The following RNF169 variants were observed in gnomAD, a reference collection of about 807,000 sequenced individuals.
RNF169 encodes ring finger protein 169, also known as E3 ubiquitin-protein ligase RNF169.
Under a neutral mutation model 53.9 loss-of-function variants are expected in RNF169, and 24 were observed. The ratio of observed to expected loss-of-function variants is 0.45; its 90% CI spans 0.32 to 0.63. The LOEUF (loss-of-function observed/expected upper bound fraction) is 0.63. Ranked by LOEUF, RNF169 falls within the 20% of genes least tolerant of loss-of-function variation. The pLI, the probability that RNF169 is intolerant of heterozygous loss-of-function variation, is 0.04. For synonymous variants in RNF169, 396 were observed against 363.5 expected (o/e 1.09, Z -1.02); for missense variants, 883 against 906.2 (o/e 0.97, Z 0.33).
At chr11:74,814,749 T>A (rs902382074) in intron 3 of RNF169, among the ~76,000 whole-genome samples, 2 of 152,182 alleles carry the variant, frequency 1.3e-5, no homozygotes, top group African/African-American at 4.8e-5. Context: ...TATAATATTC[T>A]TGATTGTAGA....
intron 1 of RNF169, among the ~76,000 whole-genome samples, chr11:74,775,156 TATC>T (rs561842331): frequency 5.5e-4 from 84 of 152,300 alleles, no homozygotes; most frequent in African/African-American, 2.0e-3. Flanking sequence ...ATTTGCATAT[TATC>T]ATAGTAGAGA....
At position 74,834,669 on chromosome 11, in the gene RNF169, T is replaced by A. The variant is rs1277096864; in HGVS notation, c.843-7T>A. 1.2e-6 allele frequency: 2 copies of A among 1,603,204 alleles called. No individual in the cohort carries two copies. The highest frequency in any genetic ancestry group is 1.7e-5 in the Admixed American group (1 of 57,496). On this transcript the variant is annotated splice_polypyrimidine_tract_variant and splice_region_variant and intron_variant, in intron 4 of 5. Coordinates refer to ENST00000299563, the MANE Select transcript of RNF169 (RefSeq NM_001098638.2). Reference sequence around the variant, plus strand: ...TGACTACTCGTTTTTTATTTATTCTTTTTTAGGAAGCTAAACTCCAAGGTG... The same window carrying A: ...TGACTACTCGTTTTTTATTTATTCTATTTTAGGAAGCTAAACTCCAAGGTG...
chr11:74,791,994 A>T (rs2135087229), intron 2 of RNF169, among the ~76,000 whole-genome samples: 1 of 152,304 alleles, frequency 6.6e-6, no homozygotes, highest in African/African-American at 2.4e-5. Context: ...GGTATATTTC[A>T]CTGAATGAAA....
intron 1 of RNF169, among the ~76,000 whole-genome samples, chr11:74,775,267 T>G (rs557904836): frequency 1.3e-5 from 2 of 152,216 alleles, no homozygotes; most frequent in Non-Finnish European, 2.9e-5. Context: ...TGTGGAGGTA[T>G]TGATCTTATA....
At chr11:74,799,625 C>T (rs887757574) in intron 2 of RNF169, among the ~76,000 whole-genome samples, 1 of 152,086 alleles carries the variant, frequency 6.6e-6, no homozygotes, top group African/African-American at 2.4e-5. Context: ...TTAACTACTA[C>T]TTGGAAGCCA....
intron 1 of RNF169, among the ~76,000 whole-genome samples, chr11:74,751,806 C>T (rs1455207383): frequency 2.0e-5 from 3 of 152,242 alleles, no homozygotes; most frequent in African/African-American, 7.2e-5. Flanking sequence ...TGCCAAAAGG[C>T]TTAGGAAGTA....
Position 74,749,137 on chromosome 11 carries a change from C to T in RNF169, c.257C>T (p.Ser86Leu), listed in dbSNP as rs1349864136. ...GCAGCGGCCCTGCCGTGCGGCCACT[C>T]GCTTTGCCGAGGCTGCGCCCAACGC... The part of the protein sequence containing the change: ...GEAAALPCGH[S>L]LCRGCAQRAA... The change falls in exon 1 of 6, where the codon TCG becomes TTG. Residue 86 changes from serine to leucine, a missense_variant. Ser to Leu is a moderately radical substitution (Grantham distance 145). This residue lies in a region of RNF169 where 313 missense variants were observed against 279.9 expected (regional missense o/e 1.12). Transcript: ENST00000299563. 7.6e-7 allele frequency: 1 copy of T among 1,323,222 alleles called. No individual in the cohort carries two copies. The highest frequency in any genetic ancestry group is 3.1e-5 in the East Asian group (1 of 32,110). The allele number at this position is 1,323,222 out of a possible 1,614,324, so 82.0% of individuals were successfully genotyped here.
intron 1 of RNF169, among the ~76,000 whole-genome samples, chr11:74,753,273 A>G (rs1479748233): frequency 2.0e-5 from 3 of 152,226 alleles, no homozygotes; most frequent in East Asian, 3.9e-4. Flanking sequence ...CCAGCCTTGA[A>G]CCATTGTTTT....
At chr11:74,800,004 C>G (rs775191032) in intron 2 of RNF169, among the ~76,000 whole-genome samples, 4 of 150,000 alleles carry the variant, frequency 2.7e-5, no homozygotes, top group Non-Finnish European at 4.4e-5. Flanking sequence ...TAATATAGAT[C>G]TATGTCAACA....
At chr11:74,754,567 T>C (rs576261592) in intron 1 of RNF169, among the ~76,000 whole-genome samples, 2 of 152,286 alleles carry the variant, frequency 1.3e-5, no homozygotes, top group African/African-American at 4.8e-5. Context: ...ACATCTGTAA[T>C]CCCAGCACTT....
chr11:74,770,097 C>T (rs1020981816), intron 1 of RNF169, among the ~76,000 whole-genome samples: 2 of 152,104 alleles, frequency 1.3e-5, no homozygotes, highest in Admixed American at 1.3e-4. Context: ...TGGCTTTAGA[C>T]TACTGTTTCA....
intron 1 of RNF169, among the ~76,000 whole-genome samples, chr11:74,780,309 T>G (rs890898142): frequency 6.6e-6 from 1 of 152,200 alleles, no homozygotes; most frequent in African/African-American, 2.4e-5. Flanking sequence ...ATTCCCTCTT[T>G]ACTCTCTTAA....
intron 2 of RNF169, among the ~76,000 whole-genome samples, chr11:74,808,662 T>A (rs2035835864): frequency 6.6e-6 from 1 of 152,224 alleles, no homozygotes; most frequent in South Asian, 2.1e-4. Flanking sequence ...CACGTAGAGT[T>A]CAGTAAATGA....
chr11:74,810,076 C>A, intron 2 of RNF169, 108 bp from the exon 3 acceptor site: 1 of 976,890 alleles, frequency 1.0e-6, no homozygotes, highest in Non-Finnish European at 1.5e-6. Context: ...GAAAAACAGT[C>A]TCAAAACTGC....
At chr11:74,809,868 G>A (rs2135116856) in intron 2 of RNF169, among the ~76,000 whole-genome samples, 1 of 152,338 alleles carries the variant, frequency 6.6e-6, no homozygotes, top group South Asian at 2.1e-4. Context: ...ATGGGAATAA[G>A]GAAGATTTTC....
chr11:74,824,024 A>G lies in RNF169; in HGVS notation c.842+6310A>G, dbSNP rs1439932513. ...TATGAGGCATAAGAAACAAGAAACAATGACCCATACACAGGAAAAAAGAAA... is the reference window on the plus strand; with the variant it reads ...TATGAGGCATAAGAAACAAGAAACAGTGACCCATACACAGGAAAAAAGAAA... On this transcript the variant is annotated intron_variant, in intron 4 of 5. Coordinates refer to ENST00000299563, the MANE Select transcript of RNF169 (RefSeq NM_001098638.2). Among the ~76,000 whole-genome samples the G allele has an allele frequency of 2.0e-5, 3 of 152,268 alleles. No homozygotes were observed. In the East Asian group the frequency reaches 5.8e-4, roughly 29 times the overall value.
chr11:74,762,203 T>C (rs1377857869), intron 1 of RNF169, among the ~76,000 whole-genome samples: 1 of 150,128 alleles, frequency 6.7e-6, no homozygotes, highest in Non-Finnish European at 1.5e-5. Flanking sequence ...TTATACATTC[T>C]TCTAAATTTT....
intron 1 of RNF169, among the ~76,000 whole-genome samples, chr11:74,773,436 A>G (rs1480718444): frequency 6.6e-6 from 1 of 152,186 alleles, no homozygotes; most frequent in Non-Finnish European, 1.5e-5. Context: ...ATTTAGGATA[A>G]TATAAAATAA....
At position 74,763,509 on chromosome 11, in the gene RNF169, C is replaced by A. The variant is rs1044873405; in HGVS notation, c.502+14127C>A. On this transcript the variant is annotated intron_variant, in intron 1 of 5. Transcript: ENST00000299563. Reference sequence around the variant, plus strand: ...AATGAATAAAGCATTATGAAACACACACATTTGAAAAAGAATGAAACATAA... The same window carrying A: ...AATGAATAAAGCATTATGAAACACAAACATTTGAAAAAGAATGAAACATAA... Among the ~76,000 whole-genome samples the A allele has an allele frequency of 3.3e-5, 5 of 152,196 alleles. No homozygotes were observed. In the South Asian group the frequency reaches 1.0e-3, roughly 32 times the overall value.
Sources: allele counts gnomAD v4.1 joint callset (sites outside exome capture counted in the v4.1 genomes callset), GRCh38; gene constraint gnomAD v4.1.1; regional missense constraint gnomAD v4.1.1; transcripts MANE v1.5; gene names NCBI Gene and HGNC (gene_info 2026-07-23, HGNC 2026-07-21).